The following MAPKAP1 variants were observed in gnomAD, a reference collection of about 807,000 sequenced individuals.
The protein encoded by MAPKAP1 is target of rapamycin complex 2 subunit MAPKAP1.
MAPKAP1 carries 20 observed loss-of-function variants against 65.7 expected under a neutral mutation model. That is an observed-to-expected ratio of 0.30 (90% confidence interval 0.21 to 0.44). The LOEUF (loss-of-function observed/expected upper bound fraction) is 0.44. Among genes scored for constraint, MAPKAP1 ranks in the 20% least tolerant of loss-of-function variants. The probability of loss-of-function intolerance (pLI) is 1.00; values close to 1 mark genes in which losing one functional copy is unlikely to be tolerated. For missense variants in MAPKAP1, 423 were observed against 648.0 expected, an observed-to-expected ratio of 0.65 and a Z score of 3.77; for synonymous variants, 222 against 244.3, an observed-to-expected ratio of 0.91 and a Z score of 0.85.
intron 8 of MAPKAP1, among the ~76,000 whole-genome samples, chr9:125,485,206 C>G (rs1429681799): frequency 1.3e-5 from 2 of 152,224 alleles, no homozygotes; most frequent in Non-Finnish European, 2.9e-5. Context: ...AGAGCCCCCA[C>G]TGGCTCAGGG....
At chr9:125,701,730 T>A (rs1357904199) in intron 1 of MAPKAP1, among the ~76,000 whole-genome samples, 1 of 152,232 alleles carries the variant, frequency 6.6e-6, no homozygotes, top group Non-Finnish European at 1.5e-5. Context: ...CACTTCATAC[T>A]ATTGTGGAGA....
intron 1 of MAPKAP1, among the ~76,000 whole-genome samples, chr9:125,698,279 A>C (rs1835452554): frequency 4.1e-5 from 1 of 24,378 alleles, no homozygotes; most frequent in South Asian, 1.2e-3. Flanking sequence ...ATAATACATA[A>C]TATATATAAA....
At chr9:125,581,031 A>G (rs1831608850) in intron 5 of MAPKAP1, among the ~76,000 whole-genome samples, 1 of 152,256 alleles carries the variant, frequency 6.6e-6, no homozygotes, top group African/African-American at 2.4e-5. Flanking sequence ...TGCATGTATG[A>G]AAACGGTTTG....
intron 4 of MAPKAP1, among the ~76,000 whole-genome samples, chr9:125,623,002 T>G (rs183335166): frequency 1.2e-4 from 19 of 152,054 alleles, no homozygotes; most frequent in Admixed American, 1.0e-3. Flanking sequence ...TTCGCTGTGT[T>G]GGCCGGGCCG....
In MAPKAP1 at chr9:125,695,194, C is replaced by A. The variant is rs1349864084; in HGVS notation, c.-70+11777G>T. Among the ~76,000 whole-genome samples, 3 of 152,192 alleles carry A rather than the reference C, an allele frequency of 2.0e-5. No homozygotes were observed. The East Asian group carries it at 5.8e-4, about 29-fold the overall frequency. On this transcript the variant is annotated intron_variant, in intron 1 of 11. Transcript: ENST00000265960. Reference sequence around the variant, plus strand: ...GCTTGTAAACTGTTTCTCAGGTAAACTGAATTGCCCCATACCAGCATCTTA... The same window carrying A: ...GCTTGTAAACTGTTTCTCAGGTAAAATGAATTGCCCCATACCAGCATCTTA...
intron 4 of MAPKAP1, among the ~76,000 whole-genome samples, chr9:125,649,150 A>T (rs1027291072): frequency 6.6e-6 from 1 of 152,154 alleles, no homozygotes; most frequent in African/African-American, 2.4e-5. Context: ...GAGAAGGCTG[A>T]ATGTAAAATG....
At position 125,447,759 on chromosome 9, in the gene MAPKAP1, G is replaced by A. The variant is rs552392730; in HGVS notation, c.1346-3161C>T. ...TGGAGACACCAAGGCAGAAGCACCT[G>A]GCCAGAGGTGGAGAAGAGCCACTAG... is the stretch of plus-strand genomic sequence containing the variant. On this transcript the variant is annotated intron_variant, in intron 10 of 11. Coordinates refer to ENST00000265960, the MANE Select transcript of MAPKAP1 (RefSeq NM_001006617.3). The surrounding 1 kb of genome is among the most constrained non-coding windows in gnomAD (Gnocchi z 4.5). Among the ~76,000 whole-genome samples the A allele has an allele frequency of 2.0e-5, 3 of 152,302 alleles. No homozygotes were observed. Among genetic ancestry groups the A allele is most frequent in the African/African-American group, 7.2e-5 (3 of 41,574 alleles).
chr9:125,556,439 T>C (rs1830737314), intron 6 of MAPKAP1, among the ~76,000 whole-genome samples: 1 of 152,200 alleles, frequency 6.6e-6, no homozygotes. Context: ...AGGGATGGCG[T>C]CAAATCCAGG....
At chr9:125,479,279 C>T (rs1397395150) in intron 9 of MAPKAP1, among the ~76,000 whole-genome samples, 1 of 152,072 alleles carries the variant, frequency 6.6e-6, no homozygotes. Flanking sequence ...GTTTTTCGGT[C>T]ATAGAAAAGT....
Position 125,677,394 on chromosome 9 carries a change from C to A in MAPKAP1, c.-69-4751G>T, listed in dbSNP as rs183484962. Among the ~76,000 whole-genome samples the A allele has an allele frequency of 4.2e-3, 624 of 149,994 alleles. 6 individuals carry two copies. Among genetic ancestry groups the A allele is most frequent in the African/African-American group, 0.015 (598 of 39,604 alleles). On this transcript the variant is annotated intron_variant, in intron 1 of 11. Coordinates refer to ENST00000265960, the MANE Select transcript of MAPKAP1 (RefSeq NM_001006617.3). ...CCAGCCTCAGCAACGGAGCAAGACT[C>A]CATCTGAAAAAAATAATAAGGCCCG...
chr9:125,562,715 G>C (rs117138041), intron 5 of MAPKAP1, among the ~76,000 whole-genome samples: 1,715 of 152,316 alleles, frequency 0.011, 18 homozygotes, highest in Non-Finnish European at 0.017. Flanking sequence ...ACTCTGCAAA[G>C]CGGCTTAGAT....
intron 1 of MAPKAP1, among the ~76,000 whole-genome samples, chr9:125,693,179 G>A (rs556369413): frequency 2.0e-5 from 3 of 152,144 alleles, no homozygotes; most frequent in South Asian, 2.1e-4. Flanking sequence ...TTGGGAGGCC[G>A]AGGCAGGCGG....
chr9:125,472,259 C>A (rs1276912224), intron 9 of MAPKAP1, among the ~76,000 whole-genome samples: 1 of 152,178 alleles, frequency 6.6e-6, no homozygotes, highest in African/African-American at 2.4e-5. Context: ...CTGTTCAAAC[C>A]CAGAGCTGCC....
chr9:125,623,322 C>A (rs1832970265), intron 4 of MAPKAP1, among the ~76,000 whole-genome samples: 1 of 69,846 alleles, frequency 1.4e-5, no homozygotes, highest in Admixed American at 1.7e-4. Flanking sequence ...AGCGTCTCCG[C>A]CCGGCCACCA....
intron 4 of MAPKAP1, among the ~76,000 whole-genome samples, chr9:125,640,322 C>A (rs1833540776): frequency 6.6e-6 from 1 of 152,010 alleles, no homozygotes; most frequent in Non-Finnish European, 1.5e-5. Context: ...CCAGGATGGT[C>A]TCGATCTTCT....
intron 4 of MAPKAP1, among the ~76,000 whole-genome samples, chr9:125,621,489 T>C (rs546623940): frequency 6.6e-6 from 1 of 152,238 alleles, no homozygotes; most frequent in Admixed American, 6.5e-5. Context: ...CATATGAGGA[T>C]TAAATGAGAT....
intron 9 of MAPKAP1, among the ~76,000 whole-genome samples, chr9:125,480,895 C>A (rs1467454678): frequency 6.7e-6 from 1 of 149,870 alleles, no homozygotes; most frequent in Non-Finnish European, 1.5e-5. Context: ...TGGCGTGAAC[C>A]CGGTAGGAGG....
At chr9:125,685,737 T>C (rs1051380698) in intron 1 of MAPKAP1, among the ~76,000 whole-genome samples, 1 of 152,240 alleles carries the variant, frequency 6.6e-6, no homozygotes, top group African/African-American at 2.4e-5. Flanking sequence ...ATCTTACCCA[T>C]CACTATGCTG....
At chr9:125,568,382 T>C (rs552838570) in intron 5 of MAPKAP1, among the ~76,000 whole-genome samples, 1 of 152,310 alleles carries the variant, frequency 6.6e-6, no homozygotes, top group South Asian at 2.1e-4. Flanking sequence ...ACTTGAGAGC[T>C]GATGGGACTG....
Sources: gnomAD v4.1 joint callset for allele counts (sites outside exome capture counted in the v4.1 genomes callset) on GRCh38, gnomAD v4.1.1 for gene constraint, Gnocchi (gnomAD v3.1) non-coding constraint, MANE v1.5 for transcripts, NCBI Gene and HGNC (gene_info 2026-07-23, HGNC 2026-07-21) for gene names.